GLI2: variants seen among roughly 807,000 people sequenced by gnomAD.
GLI2 encodes GLI family zinc finger 2.
Under a neutral mutation model 78.9 loss-of-function variants are expected in GLI2, and 22 were observed. That is an observed-to-expected ratio of 0.28 (90% CI 0.20 to 0.40). The LOEUF (loss-of-function observed/expected upper bound fraction) is 0.40, where lower values mean the gene tolerates loss of function less well. Ranked by LOEUF, GLI2 falls within the 10% of genes least tolerant of loss-of-function variation. The pLI, the probability that GLI2 is intolerant of heterozygous loss-of-function variation, is 1.00. For synonymous variants in GLI2, 974 were observed against 963.7 expected (o/e 1.01, Z -0.20); for missense variants, 2,097 against 2,213.2 (o/e 0.95, Z 1.05).
At chr2:120,778,716 G>A (rs1241143486) in intron 1 of GLI2, among the ~76,000 whole-genome samples, 1 of 152,238 alleles carries the variant, frequency 6.6e-6, no homozygotes, top group Admixed American at 6.5e-5. Context: ...ACATGGCCAG[G>A]TAAGTGCTGG....
chr2:120,922,802 C>T (rs920663176), intron 2 of GLI2, among the ~76,000 whole-genome samples: 7 of 152,106 alleles, frequency 4.6e-5, no homozygotes, highest in Non-Finnish European at 8.8e-5. Flanking sequence ...ACGGGTGCAG[C>T]CTGCACATTC....
intron 2 of GLI2, among the ~76,000 whole-genome samples, chr2:120,894,616 G>C (rs1443232517): frequency 6.6e-6 from 1 of 152,066 alleles, no homozygotes; most frequent in South Asian, 2.1e-4. Flanking sequence ...CCTTGGGGGG[G>C]GGTACCAGTG....
chr2:120,820,007 G>A (rs1016481421), intron 2 of GLI2, among the ~76,000 whole-genome samples: 1 of 152,262 alleles, frequency 6.6e-6, no homozygotes, highest in Non-Finnish European at 1.5e-5. Flanking sequence ...CAGGCAGCAG[G>A]ATGGCCAGCC....
intron 1 of GLI2, among the ~76,000 whole-genome samples, chr2:120,771,168 CTG>C (rs1318612407): frequency 6.6e-6 from 1 of 152,232 alleles, no homozygotes; most frequent in African/African-American, 2.4e-5. Context: ...GCCCTCTTCA[CTG>C]TGCTCTGCAT....
At chr2:120,745,475 C>T (rs1230374078) in intron 1 of GLI2, among the ~76,000 whole-genome samples, 1 of 152,108 alleles carries the variant, frequency 6.6e-6, no homozygotes, top group Non-Finnish European at 1.5e-5. Flanking sequence ...TGTGTGGTGG[C>T]GTCAGGCCTG....
At chr2:120,920,646 G>A (rs576491636) in intron 2 of GLI2, among the ~76,000 whole-genome samples, 28 of 152,236 alleles carry the variant, frequency 1.8e-4, no homozygotes, top group African/African-American at 4.6e-4. Flanking sequence ...AGAAAAAGCC[G>A]TCACTCCGCC....
chr2:120,819,949 C>G (rs1019543414), intron 2 of GLI2, among the ~76,000 whole-genome samples: 1 of 152,084 alleles, frequency 6.6e-6, no homozygotes, highest in Non-Finnish European at 1.5e-5. Context: ...GGGATGAATA[C>G]GGGTTCACTA....
chr2:120,820,488 G>C (rs962182616), intron 2 of GLI2, among the ~76,000 whole-genome samples: 2 of 152,214 alleles, frequency 1.3e-5, no homozygotes, highest in African/African-American at 2.4e-5. Flanking sequence ...CTGGTGGCAG[G>C]AGGAGGCGGA....
chr2:120,906,792 T>C (rs997399886), intron 2 of GLI2, among the ~76,000 whole-genome samples: 4 of 152,148 alleles, frequency 2.6e-5, no homozygotes, highest in Admixed American at 2.0e-4. Flanking sequence ...GTAGTTAGCA[T>C]CCTTCCTCCA....
chr2:120,950,020 G>A (rs1386689076), intron 3 of GLI2, among the ~76,000 whole-genome samples: 1 of 152,242 alleles, frequency 6.6e-6, no homozygotes, highest in Non-Finnish European at 1.5e-5. Flanking sequence ...CCCGGGCAAT[G>A]CTAGGTTAGC....
chr2:120,871,099 A>G (rs1322254196), intron 2 of GLI2, among the ~76,000 whole-genome samples: 1 of 152,254 alleles, frequency 6.6e-6, no homozygotes, highest in African/African-American at 2.4e-5. Flanking sequence ...CAGGAGAATA[A>G]GGCAGTCCTT....
chr2:120,896,930 G>GA (rs1021058418), intron 2 of GLI2, among the ~76,000 whole-genome samples: 2 of 151,866 alleles, frequency 1.3e-5, no homozygotes, highest in African/African-American at 4.8e-5. Flanking sequence ...TCAGGGGAAA[G>GA]AAAAAAAGGG....
In GLI2 at chr2:120,989,224, C is replaced by T. The variant is rs777119323; in HGVS notation, c.3259C>T (p.Leu1087=). The change falls in exon 14 of 14, where the codon CTG becomes TTG. Residue 1087 remains leucine, a synonymous_variant. Coordinates refer to ENST00000361492, the MANE Select transcript of GLI2 (RefSeq NM_001374353.1). The part of the protein sequence containing the change: ...SDNPRLPSPG[L]HGQRRMVAAD... ...CAACCCCAGACTACCCAGCCCGGGG[C>T]TGCACGGCCAGCGCAGGATGGTGGC... The T allele has an allele frequency of 6.6e-5, 107 of 1,613,078 alleles. No homozygotes were observed. Among genetic ancestry groups the T allele is most frequent in the South Asian group, 2.4e-4 (22 of 91,094 alleles).
chr2:120,832,231 A>G (rs1686397841), intron 2 of GLI2, among the ~76,000 whole-genome samples: 1 of 152,214 alleles, frequency 6.6e-6, no homozygotes, highest in African/African-American at 2.4e-5. Context: ...GCCCCTGGCA[A>G]GTGCTGGGGC....
intron 3 of GLI2, among the ~76,000 whole-genome samples, chr2:120,943,004 C>T (rs115626518): frequency 0.017 from 2,484 of 150,028 alleles, 81 homozygotes; most frequent in African/African-American, 0.061. Context: ...ATTCATTCAG[C>T]ACACACGTAT....
At position 120,955,249 on chromosome 2, in the gene GLI2, C is replaced by T. The variant is rs749974991; in HGVS notation, c.462C>T (p.Ala154=). 16 of 1,605,144 alleles carry T rather than the reference C, an allele frequency of 1.0e-5. No individual in the cohort carries two copies. Among genetic ancestry groups the T allele is most frequent in the Non-Finnish European group, 1.4e-5 (16 of 1,173,650 alleles). The change falls in exon 5 of 14, where the codon GCC becomes GCT. Residue 154 remains alanine (A), a synonymous_variant. Coordinates refer to ENST00000361492, the MANE Select transcript of GLI2 (RefSeq NM_001374353.1). ...AARGLSPADV[A]QEHLKERGLF... ...TTCTCTCCCCTCTGCCCACAGTGGC[C>T]CAGGAGCACCTTAAGGAGAGGGGAC...
chr2:120,912,570 G>A (rs1464626030), intron 2 of GLI2, among the ~76,000 whole-genome samples: 1 of 152,080 alleles, frequency 6.6e-6, no homozygotes, highest in Non-Finnish European at 1.5e-5. Context: ...GGAGGGTGGT[G>A]GGAATGGCAT....
At chr2:120,753,577 T>C (rs1682942674) in intron 1 of GLI2, among the ~76,000 whole-genome samples, 1 of 152,206 alleles carries the variant, frequency 6.6e-6, no homozygotes, top group Non-Finnish European at 1.5e-5. Context: ...TGTTTTTTCT[T>C]AAAGATTTGT....
At position 120,989,369 on chromosome 2, in the gene GLI2, G is replaced by A. The variant is rs768110500; in HGVS notation, c.3404G>A (p.Gly1135Asp). The A allele has an allele frequency of 1.2e-6, 2 of 1,612,998 alleles. No individual in the cohort carries two copies. Among genetic ancestry groups the A allele is most frequent in the Non-Finnish European group, 1.7e-6 (2 of 1,179,986 alleles). ...GTGCAGTGGAATGAGGTGAGCTCCG[G>A]CACCGTAGACGCCCTGGCCAGCCAG... ...MPVQWNEVSS[G>D]TVDALASQVK... The change falls in exon 14 of 14, where the codon GGC (glycine) becomes GAC (aspartate). Residue 1135 changes from glycine to aspartate, a missense_variant. By Grantham distance (94) the Gly-to-Asp change is moderately conservative. Around this residue, in one of 5 missense-constraint regions of GLI2, gnomAD observed 1,290 missense variants for 1,261.7 expected, o/e 1.02. Coordinates refer to ENST00000361492, the MANE Select transcript of GLI2 (RefSeq NM_001374353.1).
Sources: gnomAD v4.1 joint callset for allele counts (sites outside exome capture counted in the v4.1 genomes callset) on GRCh38, gnomAD v4.1.1 for gene constraint, gnomAD v4.1.1 regional missense constraint, MANE v1.5 for transcripts, NCBI Gene and HGNC (gene_info 2026-07-23, HGNC 2026-07-21) for gene names.